Variants in NUP58 observed in about 807,000 individuals in gnomAD.
The protein encoded by NUP58 is nucleoporin p58/p45.
NUP58 carries 17 observed loss-of-function variants against 70.1 expected under a neutral mutation model. That is an observed-to-expected ratio of 0.24 (90% CI 0.17 to 0.36). NUP58 has a LOEUF of 0.36. Among genes scored for constraint, NUP58 ranks in the 10% least tolerant of loss-of-function variants. The probability of loss-of-function intolerance (pLI) is 1.00; values close to 1 mark genes in which losing one functional copy is unlikely to be tolerated. For synonymous variants in NUP58, 275 were observed against 257.6 expected (o/e 1.07, Z -0.65); for missense variants, 644 against 701.5 (o/e 0.92, Z 0.93).
chr13:25,310,377 C>T (rs898559739), intron 3 of NUP58, among the ~76,000 whole-genome samples: 1 of 151,712 alleles, frequency 6.6e-6, no homozygotes, highest in Non-Finnish European at 1.5e-5. Flanking sequence ...TGTGCCACCA[C>T]GCCTGGCTAA....
chr13:25,324,320 AGTG>A (rs2031305526), intron 9 of NUP58, among the ~76,000 whole-genome samples: 1 of 152,228 alleles, frequency 6.6e-6, no homozygotes. Flanking sequence ...TCGAAAATAT[AGTG>A]AAATGATAGG....
downstream of NUP58, among the ~76,000 whole-genome samples, chr13:25,343,328 TTTA>T (rs1318283183): frequency 3.3e-5 from 5 of 151,516 alleles, no homozygotes; most frequent in Non-Finnish European, 5.9e-5. Flanking sequence ...TTTATTTAAA[TTTA>T]TTATTATTAT....
At chr13:25,321,234 A>G (rs1296156140) in intron 9 of NUP58, 141 bp downstream of exon 9, 6 of 660,206 alleles carry the variant, frequency 9.1e-6, no homozygotes, top group South Asian at 6.7e-5. Context: ...TAACTCATAT[A>G]CTTTAATAAT....
chr13:25,325,775 C>G, intron 10 of NUP58, among the ~76,000 whole-genome samples: 1 of 152,106 alleles, frequency 6.6e-6, no homozygotes, highest in Non-Finnish European at 1.5e-5. Context: ...ACAGTGTTGC[C>G]TAGGCTGGTC....
intron 13 of NUP58, 29 bp from the exon 14 acceptor site, chr13:25,336,907 C>A: frequency 2.4e-6 from 3 of 1,276,430 alleles, no homozygotes; most frequent in East Asian, 2.4e-5. Flanking sequence ...TTTTTTTTCC[C>A]CCCCATTTTT....
intron 10 of NUP58, among the ~76,000 whole-genome samples, chr13:25,325,594 C>G (rs1365043104): frequency 6.6e-6 from 1 of 152,158 alleles, no homozygotes; most frequent in Non-Finnish European, 1.5e-5. Context: ...ATGCAGTGTG[C>G]TTAGGACTAT....
chr13:25,322,431 A>C (rs2031224615), intron 9 of NUP58, among the ~76,000 whole-genome samples: 1 of 152,194 alleles, frequency 6.6e-6, no homozygotes, highest in South Asian at 2.1e-4. Flanking sequence ...GTTAAATATG[A>C]ATGTAATACA....
At chr13:25,327,625 G>C (rs1257187858) in intron 12 of NUP58, 113 bp downstream of exon 12, 41 of 571,730 alleles carry the variant, frequency 7.2e-5, no homozygotes, top group East Asian at 2.1e-4. Flanking sequence ...ACATATAAGT[G>C]AAAAGATGAA....
At chr13:25,308,511 A>G (rs1416611847) in intron 2 of NUP58, among the ~76,000 whole-genome samples, 3 of 150,854 alleles carry the variant, frequency 2.0e-5, no homozygotes, top group Non-Finnish European at 2.9e-5. Flanking sequence ...TTTGTAGAGA[A>G]GAGGTCTCCT....
chr13:25,313,887 A>G (rs1318798204), intron 5 of NUP58, 136 bp downstream of exon 5: 4 of 600,170 alleles, frequency 6.7e-6, no homozygotes, highest in South Asian at 3.4e-5. Flanking sequence ...TTATAAAATG[A>G]TGGTTTTCAT....
chr13:25,328,740 A>G (rs2031498201), intron 12 of NUP58, among the ~76,000 whole-genome samples: 1 of 152,158 alleles, frequency 6.6e-6, no homozygotes, highest in Admixed American at 6.5e-5. Context: ...TTAAAAATGT[A>G]TTTAAGTGAA....
Position 25,327,140 on chromosome 13 carries a change from A to T in NUP58, c.1150+106A>T, listed in dbSNP as rs143751367. ...AACTACTGGTAGCCCCTTTAAGAAA[A>T]TTTCCTTAAAAGTCATTTACTACTC... On this transcript the variant is annotated intron_variant, in intron 11 of 15. Coordinates refer to ENST00000381736, the MANE Select transcript of NUP58 (RefSeq NM_014089.4). 108 of 649,910 alleles carry T rather than the reference A, an allele frequency of 1.7e-4. No homozygotes were observed. In the East Asian group the frequency reaches 2.9e-3, roughly 17 times the overall value. The allele number at this position is 649,910 out of a possible 1,614,324, so 40.3% of individuals were successfully genotyped here.
intron 1 of NUP58, among the ~76,000 whole-genome samples, chr13:25,305,147 T>TTTTTTG (rs2030275783): frequency 1.2e-4 from 15 of 125,838 alleles, no homozygotes; most frequent in African/African-American, 4.5e-4. Flanking sequence ...TTTTTTTTTT[T>TTTTTTG]TTTTTTTTTT....
chr13:25,341,671 C>T lies in NUP58; in HGVS notation c.*1537C>T, dbSNP rs1423557768. 6.6e-6 allele frequency: 1 copy of T among 152,600 alleles called. No individual in the cohort carries two copies. Among genetic ancestry groups the T allele is most frequent in the African/African-American group, 2.4e-5 (1 of 41,446 alleles). 9.5% of individuals were successfully genotyped at this position (152,600 alleles called of 1,614,324 possible). On this transcript the variant is annotated 3_prime_UTR_variant, in exon 16 of 16. Transcript: ENST00000381736. The stretch of plus-strand genomic sequence containing the variant: ...TTGACTACATTAGTATTAGTGACAT[C>T]AGGTGGATATAAAAGAAAACCCTTG...
chr13:25,307,756 C>A, intron 1 of NUP58, 50 bp from the exon 2 acceptor site: 1 of 1,588,218 alleles, frequency 6.3e-7, no homozygotes, highest in Non-Finnish European at 8.6e-7. Context: ...CTCTAGTAGA[C>A]CTCCTTTTGT....
intron 11 of NUP58, 119 bp from the exon 12 acceptor site, chr13:25,327,311 A>G: frequency 1.6e-6 from 1 of 611,250 alleles, no homozygotes; most frequent in Non-Finnish European, 2.9e-6. Flanking sequence ...GAGAACGTTG[A>G]TAGAGTTTTT....
intron 1 of NUP58, chr13:25,303,280 GGGGACTCATCTTGAGC>G (rs1183613452): frequency 2.7e-5 from 10 of 367,028 alleles, no homozygotes; most frequent in South Asian, 6.4e-5. Context: ...TGGAACCTCT[GGGGACTCATCTTGAGC>G]GGGACTCATC....
intron 9 of NUP58, among the ~76,000 whole-genome samples, chr13:25,323,650 T>C (rs1428309559): frequency 2.6e-5 from 4 of 152,218 alleles, no homozygotes; most frequent in African/African-American, 9.6e-5. Context: ...TTAGAACTGA[T>C]GCAGACCAGA....
At chr13:25,337,314 CTTTAGT>C (rs922119239) in intron 14 of NUP58, among the ~76,000 whole-genome samples, 2 of 152,204 alleles carry the variant, frequency 1.3e-5, no homozygotes, top group Non-Finnish European at 2.9e-5. Context: ...CTTGAGAATT[CTTTAGT>C]TTTAATCATC....
Sources: gnomAD v4.1 joint callset for allele counts (sites outside exome capture counted in the v4.1 genomes callset) on GRCh38, gnomAD v4.1.1 for gene constraint, MANE v1.5 for transcripts, NCBI Gene and HGNC (gene_info 2026-07-23, HGNC 2026-07-21) for gene names.